Variants in CAMTA1 observed in about 807,000 individuals in gnomAD.
CAMTA1 encodes calmodulin binding transcription activator 1, also known as calmodulin-binding transcription activator 1.
A neutral mutation model predicts 170.9 loss-of-function variants in CAMTA1; 27 were observed. That is an observed-to-expected ratio of 0.16 (90% CI 0.12 to 0.22). The LOEUF is 0.22. Ranked by LOEUF, CAMTA1 falls within the 10% of genes least tolerant of loss-of-function variation. The pLI is 1.00. For missense variants in CAMTA1, 1,619 were observed against 2,217.2 expected, an observed-to-expected ratio of 0.73 and a Z score of 5.42; for synonymous variants, 833 against 891.5, an observed-to-expected ratio of 0.93 and a Z score of 1.17.
intron 3 of CAMTA1, among the ~76,000 whole-genome samples, chr1:6,935,357 C>A (rs570269681): frequency 6.6e-6 from 1 of 151,962 alleles, no homozygotes; most frequent in East Asian, 1.9e-4. Context: ...ACAAAAGAGG[C>A]GAGTCCAGAT....
At chr1:7,638,797 CT>C (rs1161729036) in intron 6 of CAMTA1, among the ~76,000 whole-genome samples, 1 of 152,156 alleles carries the variant, frequency 6.6e-6, no homozygotes, top group East Asian at 1.9e-4. Context: ...GCAGCGCTGC[CT>C]TCTGGGGGGA....
chr1:7,125,624 G>A (rs956190300), intron 4 of CAMTA1, among the ~76,000 whole-genome samples: 1 of 152,180 alleles, frequency 6.6e-6, no homozygotes, highest in African/African-American at 2.4e-5. Flanking sequence ...GAGGGACAAG[G>A]GCATTTCAGG....
intron 3 of CAMTA1, among the ~76,000 whole-genome samples, chr1:6,937,781 T>TA (rs1421279372): frequency 8.7e-6 from 1 of 115,060 alleles, no homozygotes; most frequent in Non-Finnish European, 1.9e-5. Flanking sequence ...ATTCACCACT[T>TA]ACCACCACCA....
intron 6 of CAMTA1, among the ~76,000 whole-genome samples, chr1:7,539,335 A>G (rs2094582491): frequency 6.6e-6 from 1 of 152,232 alleles, no homozygotes; most frequent in African/African-American, 2.4e-5. Flanking sequence ...CAGGCTGAAG[A>G]GCAGTGGCCT....
intron 3 of CAMTA1, among the ~76,000 whole-genome samples, chr1:6,837,180 T>G (rs1188110905): frequency 6.6e-6 from 1 of 152,086 alleles, no homozygotes; most frequent in East Asian, 1.9e-4. Context: ...ATGGGCTCGA[T>G]CTCCTGACCT....
chr1:6,811,104 A>G (rs1645115066), intron 1 of CAMTA1, among the ~76,000 whole-genome samples: 5 of 152,206 alleles, frequency 3.3e-5, no homozygotes, highest in Admixed American at 3.3e-4. Context: ...ATTCTGTGTT[A>G]CAGTTGCCAC....
At chr1:7,283,191 C>G (rs1387659506) in intron 5 of CAMTA1, among the ~76,000 whole-genome samples, 4 of 152,206 alleles carry the variant, frequency 2.6e-5, no homozygotes, top group Admixed American at 6.5e-5. Flanking sequence ...CCAACCTCCA[C>G]CAAGATGCAC....
At chr1:7,255,816 C>A (rs999719344) in intron 5 of CAMTA1, among the ~76,000 whole-genome samples, 1 of 152,192 alleles carries the variant, frequency 6.6e-6, no homozygotes, top group African/African-American at 2.4e-5. Context: ...TCCTGCAAAC[C>A]TCACCCCAAC....
At chr1:7,326,769 G>T (rs1429152189) in intron 5 of CAMTA1, among the ~76,000 whole-genome samples, 1 of 152,198 alleles carries the variant, frequency 6.6e-6, no homozygotes, top group Non-Finnish European at 1.5e-5. Flanking sequence ...TTCTGTTGCT[G>T]TCATCACCCA....
intron 4 of CAMTA1, among the ~76,000 whole-genome samples, chr1:7,175,016 A>G (rs968502943): frequency 6.6e-6 from 1 of 152,172 alleles, no homozygotes; most frequent in East Asian, 1.9e-4. Flanking sequence ...TAGAAAAAAA[A>G]TGTCATAAGT....
intron 5 of CAMTA1, among the ~76,000 whole-genome samples, chr1:7,319,553 A>G (rs1347649337): frequency 6.6e-6 from 1 of 151,664 alleles, no homozygotes; most frequent in African/African-American, 2.4e-5. Flanking sequence ...AGCCAATTAA[A>G]CCTCTTTTCT....
At chr1:7,179,707 A>T (rs1226923605) in intron 4 of CAMTA1, among the ~76,000 whole-genome samples, 1 of 152,208 alleles carries the variant, frequency 6.6e-6, no homozygotes, top group African/African-American at 2.4e-5. Context: ...AACACTACCT[A>T]CCAGAATGTA....
intron 3 of CAMTA1, among the ~76,000 whole-genome samples, chr1:6,946,923 C>T (rs1687667820): frequency 6.6e-6 from 1 of 152,156 alleles, no homozygotes; most frequent in Non-Finnish European, 1.5e-5. Context: ...ATGTTTTTGT[C>T]TAAGAGTTTT....
chr1:6,851,173 G>C (rs147537592), intron 3 of CAMTA1, among the ~76,000 whole-genome samples: 1 of 152,248 alleles, frequency 6.6e-6, no homozygotes, highest in East Asian at 1.9e-4. Flanking sequence ...AAAGGGTAAG[G>C]TATGTAGTAT....
chr1:7,478,310 C>T (rs2093455987), intron 6 of CAMTA1, among the ~76,000 whole-genome samples: 1 of 152,218 alleles, frequency 6.6e-6, no homozygotes, highest in Non-Finnish European at 1.5e-5. Context: ...TGTTCCGCAG[C>T]CTCAGGCGGG....
At chr1:7,213,329 G>A (rs955022914) in intron 4 of CAMTA1, among the ~76,000 whole-genome samples, 6 of 152,122 alleles carry the variant, frequency 3.9e-5, no homozygotes, top group African/African-American at 9.7e-5. Context: ...TTATCTAATC[G>A]TGGTTTAAGT....
intron 11 of CAMTA1, among the ~76,000 whole-genome samples, chr1:7,717,020 A>G (rs1197360880): frequency 6.6e-6 from 1 of 152,172 alleles, no homozygotes; most frequent in Non-Finnish European, 1.5e-5. Flanking sequence ...TAAGCCAGGC[A>G]CAGAAAGACA....
At chr1:7,461,088 C>T (rs888704353) in intron 5 of CAMTA1, among the ~76,000 whole-genome samples, 3 of 152,204 alleles carry the variant, frequency 2.0e-5, no homozygotes, top group Admixed American at 2.0e-4. Context: ...CTGCCGCCCC[C>T]GCGGGTATTA....
chr1:7,661,061 G>A (rs79498268), intron 7 of CAMTA1, among the ~76,000 whole-genome samples: 7,420 of 152,290 alleles, frequency 0.049, 533 homozygotes, highest in East Asian at 0.19. Flanking sequence ...CCCAGCTCCC[G>A]GGGTGGCTGT....
Sources: gnomAD v4.1 joint callset for allele counts (sites outside exome capture counted in the v4.1 genomes callset) on GRCh38, gnomAD v4.1.1 for gene constraint, MANE v1.5 for transcripts, NCBI Gene and HGNC (gene_info 2026-07-23, HGNC 2026-07-21) for gene names.